The following ACIN1 variants were observed in gnomAD, a reference collection of about 807,000 sequenced individuals.
ACIN1 encodes the protein apoptotic chromatin condensation inducer in the nucleus.
ACIN1 carries 16 observed loss-of-function variants against 146.6 expected under a neutral mutation model. The ratio of observed to expected loss-of-function variants is 0.11; its 90% confidence interval spans 0.07 to 0.17. The LOEUF (loss-of-function observed/expected upper bound fraction) is 0.17, where lower values mean the gene tolerates loss of function less well. Among genes scored for constraint, ACIN1 ranks in the 10% least tolerant of loss-of-function variants. The pLI, the probability that ACIN1 is intolerant of heterozygous loss-of-function variation, is 1.00. For missense variants in ACIN1, 1,357 were observed against 1,609.3 expected, an observed-to-expected ratio of 0.84 and a Z score of 2.68; for synonymous variants, 569 against 582.7, an observed-to-expected ratio of 0.98 and a Z score of 0.34.
At chr14:23,064,561 G>C in intron 10 of ACIN1, 73 bp from the exon 11 acceptor site, 1 of 1,549,978 alleles carries the variant, frequency 6.5e-7, no homozygotes, top group South Asian at 1.2e-5. Context: ...AATACCTACA[G>C]GTTACCTCTG....
chr14:23,069,703 G>T lies in ACIN1; in HGVS notation c.2124-86C>A. 3 of 1,304,236 alleles carry T rather than the reference G, an allele frequency of 2.3e-6. No individual in the cohort carries two copies. In the South Asian group the frequency reaches 4.2e-5, roughly 18 times the overall value. 80.8% of individuals were successfully genotyped at this position (1,304,236 alleles called of 1,614,324 possible). ...AGCAAGATGTTAGTTACTGGGTCAG[G>T]AAACCCTCCTGCCTCATCACTTGGG... On this transcript the variant is annotated intron_variant, in intron 8 of 18. Transcript: ENST00000605057.
At chr14:23,086,500 G>C (rs2048094783) in intron 4 of ACIN1, among the ~76,000 whole-genome samples, 3 of 152,146 alleles carry the variant, frequency 2.0e-5, no homozygotes, top group South Asian at 4.1e-4. Flanking sequence ...ACATAAGAGG[G>C]AAAGTCAGAC....
At chr14:23,071,249 A>T in intron 8 of ACIN1, 1 of 1,516,496 alleles carries the variant, frequency 6.6e-7, no homozygotes, top group Non-Finnish European at 8.8e-7. Flanking sequence ...AAGAAAAAAA[A>T]CCACACCTTC....
At position 23,079,066 on chromosome 14, in the gene ACIN1, G is replaced by A. The variant is rs766943145; in HGVS notation, c.1789-28C>T. 6.3e-6 allele frequency: 10 copies of A among 1,596,312 alleles called. No homozygotes were observed. In the East Asian group the frequency reaches 6.7e-5, roughly 11 times the overall value. ...AAAACAAAATGAAACACATAACAAGGAAAATTATTGTATATGGTATATATT... is the reference window on the plus strand; with the variant it reads ...AAAACAAAATGAAACACATAACAAGAAAAATTATTGTATATGGTATATATT... On this transcript the variant is annotated intron_variant, in intron 6 of 18. Coordinates refer to ENST00000605057, the MANE Select transcript of ACIN1 (RefSeq NM_001386863.1).
chr14:23,080,693 TTCC>T lies in ACIN1; in HGVS notation c.639_641del (p.Glu223del), dbSNP rs1305774386. ...CTTCCTCCTCCTCCTCCTCCTCTTCTTCCTCCTCTGTTTTCAAATTTCGATCTG... is the reference window on the plus strand; with the variant it reads ...CTTCCTCCTCCTCCTCCTCCTCTTCTTCCTCTGTTTTCAAATTTCGATCTG... On this transcript the variant is annotated inframe_deletion, in exon 6 of 19. Coordinates refer to ENST00000605057, the MANE Select transcript of ACIN1 (RefSeq NM_001386863.1). 17 of 1,613,708 alleles carry T rather than the reference TTCC, an allele frequency of 1.1e-5. No individual in the cohort carries two copies. Among genetic ancestry groups the T allele is most frequent in the Non-Finnish European group, 1.4e-5 (17 of 1,179,912 alleles).
intron 8 of ACIN1, chr14:23,071,315 T>G (rs747915373): frequency 6.6e-7 from 1 of 1,506,798 alleles, no homozygotes; most frequent in Admixed American, 2.3e-5. Flanking sequence ...AGAGAGAAAA[T>G]TGAGATGTAG....
At chr14:23,069,148 C>T (rs2047549141) in intron 9 of ACIN1, 3 of 1,037,252 alleles carry the variant, frequency 2.9e-6, no homozygotes, top group African/African-American at 3.4e-5. Context: ...GAGTTACCAC[C>T]AGGAGAAGCT....
At chr14:23,061,949 G>A (rs931259426) in intron 16 of ACIN1, among the ~76,000 whole-genome samples, 1 of 140,312 alleles carries the variant, frequency 7.1e-6, no homozygotes, top group African/African-American at 2.9e-5. Flanking sequence ...ACTCCAGCCT[G>A]GGAGACAGCG....
chr14:23,071,860 A>C (rs1021260592), intron 8 of ACIN1, among the ~76,000 whole-genome samples: 4 of 152,210 alleles, frequency 2.6e-5, no homozygotes, highest in Non-Finnish European at 5.9e-5. Context: ...AATAGAGAGA[A>C]TAGAAGGCAG....
In ACIN1 at chr14:23,094,710, G is replaced by C. The variant is rs543036068; in HGVS notation, c.138+265C>G. On this transcript the variant is annotated intron_variant, in intron 1 of 18. Transcript: ENST00000605057. Reference sequence around the variant, plus strand: ...CAGATACAAACAAGGAGGGGGTGGGGGAAGGAGGAAGGAGCTTAAGACACT... The same window carrying C: ...CAGATACAAACAAGGAGGGGGTGGGCGAAGGAGGAAGGAGCTTAAGACACT... The C allele has an allele frequency of 3.9e-5, 25 of 642,086 alleles. No homozygotes were observed. The East Asian group carries it at 7.2e-4, about 18-fold the overall frequency. 39.8% of individuals were successfully genotyped at this position (642,086 alleles called of 1,614,324 possible). A position where few individuals can be genotyped will look rare whatever the true frequency, so the allele number is the denominator to read the frequency against.
intron 18 of ACIN1, among the ~76,000 whole-genome samples, chr14:23,060,367 CA>C (rs1325121402): frequency 6.6e-6 from 1 of 152,160 alleles, no homozygotes; most frequent in African/African-American, 2.4e-5. Context: ...TAGATGTGAA[CA>C]AATCTCTTTT....
intron 1 of ACIN1, 46 bp downstream of exon 1, chr14:23,094,929 A>T: frequency 6.5e-7 from 1 of 1,537,688 alleles, no homozygotes; most frequent in South Asian, 1.2e-5. Flanking sequence ...GCTCGTCTCT[A>T]CCGGGTCCGC....
chr14:23,094,521 C>T, intron 1 of ACIN1: 1 of 985,314 alleles, frequency 1.0e-6, no homozygotes. Flanking sequence ...AGACATTTTA[C>T]CCTACCCCAG....
chr14:23,090,406 A>G, intron 3 of ACIN1, 116 bp downstream of exon 3: 1 of 953,070 alleles, frequency 1.0e-6, no homozygotes, highest in Non-Finnish European at 1.6e-6. Context: ...GAAAGCAAGT[A>G]AGTAGCAGTC....
At chr14:23,081,239 C>T (rs1347897157) in intron 5 of ACIN1, among the ~76,000 whole-genome samples, 1 of 147,656 alleles carries the variant, frequency 6.8e-6, no homozygotes, top group Non-Finnish European at 1.5e-5. Context: ...CTACACATAA[C>T]ATTTTTGTAT....
intron 8 of ACIN1, chr14:23,076,394 AC>A (rs2047803339): frequency 6.6e-6 from 1 of 152,192 alleles, no homozygotes; most frequent in Non-Finnish European, 1.5e-5. Context: ...CCAAGATGCC[AC>A]TTGCCTATCA....
intron 4 of ACIN1, among the ~76,000 whole-genome samples, chr14:23,082,984 C>T (rs1439605453): frequency 6.6e-6 from 1 of 151,990 alleles, no homozygotes; most frequent in African/African-American, 2.4e-5. Flanking sequence ...AGCAATCCCC[C>T]CGCCTTGGCC....
rs1256154280 is a variant in ACIN1, at chr14:23,067,104, C to T, written c.2266-1096G>A. 6.6e-6 allele frequency among the ~76,000 whole-genome samples: 1 copy of T among 150,634 alleles called. No homozygotes were observed. The highest frequency in any genetic ancestry group is 2.4e-5 in the African/African-American group (1 of 40,818). On this transcript the variant is annotated intron_variant, in intron 9 of 18. Coordinates refer to ENST00000605057, the MANE Select transcript of ACIN1 (RefSeq NM_001386863.1). The surrounding 1 kb of genome is among the most constrained non-coding windows in gnomAD (Gnocchi z 4.6). ...GGGCCAGCCTGACCCCTAGCTGGGC[C>T]GCTCTCGATGGGTAAGTTAGTGAGA...
intron 8 of ACIN1, 146 bp downstream of exon 8, chr14:23,078,005 C>A: frequency 1.4e-6 from 1 of 695,526 alleles, no homozygotes; most frequent in East Asian, 2.8e-5. Context: ...AACATAGTAA[C>A]TGAAGTCTAG....
Sources: gnomAD v4.1 joint callset for allele counts (sites outside exome capture counted in the v4.1 genomes callset) on GRCh38, gnomAD v4.1.1 for gene constraint, Gnocchi (gnomAD v3.1) non-coding constraint, MANE v1.5 for transcripts, NCBI Gene and HGNC (gene_info 2026-07-23, HGNC 2026-07-21) for gene names.